The following GUCY1A2 variants were observed in gnomAD, a reference collection of about 807,000 sequenced individuals.
The protein encoded by GUCY1A2 is guanylate cyclase 1 soluble subunit alpha 2.
Under a neutral mutation model 63.5 loss-of-function variants are expected in GUCY1A2, and 27 were observed. That is an observed-to-expected ratio of 0.43 (90% CI 0.31 to 0.59). GUCY1A2 has a LOEUF of 0.59. GUCY1A2 is among the 20% of genes least tolerant of loss of function. The pLI, the probability that GUCY1A2 is intolerant of heterozygous loss-of-function variation, is 0.11. For missense variants in GUCY1A2, 768 were observed against 913.3 expected (o/e 0.84, Z 2.05); for synonymous variants, 364 against 343.5 (o/e 1.06, Z -0.66).
intron 2 of GUCY1A2, among the ~76,000 whole-genome samples, chr11:106,981,187 C>G (rs991939656): frequency 1.3e-5 from 2 of 152,102 alleles, no homozygotes; most frequent in African/African-American, 4.8e-5. Context: ...AAAATCTGAT[C>G]ATGAAAGCTT....
chr11:106,894,476 A>G (rs1860018532), intron 4 of GUCY1A2, among the ~76,000 whole-genome samples: 1 of 152,204 alleles, frequency 6.6e-6, no homozygotes, highest in Non-Finnish European at 1.5e-5. Context: ...AGGCTACTTA[A>G]TCCAACAAAA....
At chr11:106,821,544 A>G (rs763126162) in intron 4 of GUCY1A2, among the ~76,000 whole-genome samples, 1 of 152,206 alleles carries the variant, frequency 6.6e-6, no homozygotes, top group African/African-American at 2.4e-5. Flanking sequence ...TCTGGTGTAT[A>G]TAACTACACT....
chr11:106,709,153 C>A (rs1426064806), intron 6 of GUCY1A2, among the ~76,000 whole-genome samples: 1 of 110,018 alleles, frequency 9.1e-6, no homozygotes, highest in Non-Finnish European at 1.8e-5. Flanking sequence ...ATATTATATA[C>A]ATGTATATAA....
chr11:106,690,662 TA>T (rs1862607235), intron 7 of GUCY1A2, among the ~76,000 whole-genome samples: 1 of 152,196 alleles, frequency 6.6e-6, no homozygotes. Context: ...AGTATGTATA[TA>T]CATTTGTATG....
At chr11:106,990,935 C>T (rs1861462758) in intron 1 of GUCY1A2, among the ~76,000 whole-genome samples, 1 of 152,194 alleles carries the variant, frequency 6.6e-6, no homozygotes, top group Admixed American at 6.5e-5. Flanking sequence ...ACTCACAAGA[C>T]ACAAACTTAA....
chr11:106,749,592 A>G (rs1420199202), intron 6 of GUCY1A2, among the ~76,000 whole-genome samples: 1 of 152,062 alleles, frequency 6.6e-6, no homozygotes. Context: ...TGGAGTGTTA[A>G]CCAATATAGA....
At chr11:106,821,685 T>G (rs1858905180) in intron 4 of GUCY1A2, among the ~76,000 whole-genome samples, 1 of 152,176 alleles carries the variant, frequency 6.6e-6, no homozygotes, top group South Asian at 2.1e-4. Context: ...CACACAGGAA[T>G]GAACGAAACC....
chr11:106,725,573 A>G (rs1483858921), intron 6 of GUCY1A2, among the ~76,000 whole-genome samples: 1 of 152,158 alleles, frequency 6.6e-6, no homozygotes, highest in Non-Finnish European at 1.5e-5. Flanking sequence ...TTTAAAAGTT[A>G]ATTTAATCAC....
In GUCY1A2 at chr11:106,677,290, A is replaced by G; in HGVS notation, c.*10259T>C. On this transcript the variant is annotated 3_prime_UTR_variant, in exon 8 of 8. Coordinates refer to ENST00000526355, the MANE Select transcript of GUCY1A2 (RefSeq NM_000855.3). Reference sequence around the variant, plus strand: ...AAAGCCTAATTAATTTACTGCACATAAAACTTATGTATATAAACCATTCAT... The same window carrying G: ...AAAGCCTAATTAATTTACTGCACATGAAACTTATGTATATAAACCATTCAT... 1 of 218,426 alleles carries G rather than the reference A, an allele frequency of 4.6e-6. No individual in the cohort carries two copies. Among genetic ancestry groups the G allele is most frequent in the Non-Finnish European group, 9.2e-6 (1 of 108,572 alleles). 13.5% of individuals were successfully genotyped at this position (218,426 alleles called of 1,614,324 possible).
intron 4 of GUCY1A2, among the ~76,000 whole-genome samples, chr11:106,929,856 T>C (rs1395908212): frequency 6.7e-6 from 1 of 150,146 alleles, no homozygotes; most frequent in Non-Finnish European, 1.5e-5. Context: ...CTAATTTTTA[T>C]ATGATAACTA....
At position 106,926,879 on chromosome 11, in the gene GUCY1A2, G is replaced by A. The variant is rs542374099; in HGVS notation, c.1206+12581C>T. 2.0e-5 allele frequency among the ~76,000 whole-genome samples: 3 copies of A among 151,324 alleles called. No individual in the cohort carries two copies. In the East Asian group the frequency reaches 6.0e-4, roughly 30 times the overall value. On this transcript the variant is annotated intron_variant, in intron 4 of 7. Transcript: ENST00000526355. ...TGTCCAATGATCCCCATCAGGAACA[G>A]CACAATAATCTTTTTTCTCTATTTT... is the stretch of plus-strand genomic sequence containing the variant.
intron 5 of GUCY1A2, among the ~76,000 whole-genome samples, chr11:106,800,512 G>T (rs932746590): frequency 2.6e-5 from 4 of 152,126 alleles, no homozygotes; most frequent in African/African-American, 9.7e-5. Flanking sequence ...TGATAGACTG[G>T]ATTAAGAAAA....
chr11:106,937,720 T>C (rs1021484414), intron 4 of GUCY1A2, among the ~76,000 whole-genome samples: 13 of 152,194 alleles, frequency 8.5e-5, no homozygotes, highest in Non-Finnish European at 1.8e-4. Flanking sequence ...TTATTAAACA[T>C]ACATATAATA....
chr11:106,821,656 C>T (rs930475628), intron 4 of GUCY1A2, among the ~76,000 whole-genome samples: 1 of 152,102 alleles, frequency 6.6e-6, no homozygotes, highest in Non-Finnish European at 1.5e-5. Context: ...CAATTCTGCA[C>T]AAAGCACTAA....
chr11:106,812,179 A>C (rs543025076), intron 4 of GUCY1A2, among the ~76,000 whole-genome samples: 1 of 151,978 alleles, frequency 6.6e-6, no homozygotes, highest in Non-Finnish European at 1.5e-5. Flanking sequence ...TTATTATATA[A>C]ATTTTTTTAA....
chr11:106,834,411 A>C (rs898352100), intron 4 of GUCY1A2, among the ~76,000 whole-genome samples: 6 of 152,030 alleles, frequency 3.9e-5, no homozygotes, highest in African/African-American at 1.4e-4. Context: ...CAAATAGCAC[A>C]AAGTAGCAAG....
intron 7 of GUCY1A2, among the ~76,000 whole-genome samples, chr11:106,701,888 CCTATAAACATGTA>C (rs1380947295): frequency 1.3e-5 from 2 of 152,092 alleles, no homozygotes; most frequent in African/African-American, 4.8e-5. Context: ...TACTCTGTAT[CCTATAAACATGTA>C]CTATAATGTG....
At chr11:106,937,798 T>C (rs1030370806) in intron 4 of GUCY1A2, among the ~76,000 whole-genome samples, 1 of 152,148 alleles carries the variant, frequency 6.6e-6, no homozygotes, top group African/African-American at 2.4e-5. Flanking sequence ...CAGACTAAAA[T>C]ATCCAAATGT....
intron 6 of GUCY1A2, among the ~76,000 whole-genome samples, chr11:106,754,853 G>T (rs1863945804): frequency 6.6e-6 from 1 of 152,258 alleles, no homozygotes; most frequent in East Asian, 1.9e-4. Context: ...TTGGTATCAG[G>T]ATGATGCTGG....
Sources: gnomAD v4.1 joint callset for allele counts (sites outside exome capture counted in the v4.1 genomes callset) on GRCh38, gnomAD v4.1.1 for gene constraint, MANE v1.5 for transcripts, NCBI Gene and HGNC (gene_info 2026-07-23, HGNC 2026-07-21) for gene names.